DLEC1: variants seen among roughly 807,000 people sequenced by gnomAD.
The protein encoded by DLEC1 is deleted in lung and esophageal cancer protein 1.
A neutral mutation model predicts 198.1 loss-of-function variants in DLEC1; 146 were observed. The observed-to-expected ratio is 0.74, with a 90% CI of 0.64 to 0.85. The LOEUF (loss-of-function observed/expected upper bound fraction) is 0.85, where lower values mean the gene tolerates loss of function less well. DLEC1 is among the 40% of genes least tolerant of loss of function. The pLI is 0.00. For missense variants in DLEC1, 2,233 were observed against 2,220.0 expected (o/e 1.01, Z -0.12); for synonymous variants, 897 against 866.8 (o/e 1.03, Z -0.61).
intron 6 of DLEC1, among the ~76,000 whole-genome samples, chr3:38,078,962 G>T (rs1263225942): frequency 2.6e-5 from 4 of 152,244 alleles, no homozygotes; most frequent in South Asian, 2.1e-4. Context: ...AGGCCATGCT[G>T]TAGCAGGCGA....
intron 18 of DLEC1, among the ~76,000 whole-genome samples, chr3:38,098,146 A>G (rs1298043689): frequency 6.6e-6 from 1 of 152,144 alleles, no homozygotes; most frequent in Non-Finnish European, 1.5e-5. Flanking sequence ...CATCGGATTT[A>G]GAAATAGGGC....
intron 2 of DLEC1, 81 bp from the exon 3 acceptor site, chr3:38,059,661 C>A (rs780657980): frequency 2.6e-6 from 3 of 1,168,370 alleles, no homozygotes; most frequent in Non-Finnish European, 3.7e-6. Context: ...TTAGGCTTGG[C>A]GGATGAAGAA....
In DLEC1 at chr3:38,059,798, A is replaced by G. The variant is rs547071525; in HGVS notation, c.619A>G (p.Ile207Val). 3.7e-6 allele frequency: 6 copies of G among 1,613,976 alleles called. No individual in the cohort carries two copies. Among genetic ancestry groups the G allele is most frequent in the Non-Finnish European group, 5.1e-6 (6 of 1,180,022 alleles). Residue 207 changes from isoleucine (I) to valine (V), a missense_variant, in exon 3 of 37, where the codon ATC (isoleucine) becomes GTC (valine). Coordinates refer to ENST00000308059, the MANE Select transcript of DLEC1 (RefSeq NM_007335.4). ...DSELLRKHHL[I>V]SPEDYYTDTV... ...CGAGTTGCTACGGAAACATCATTTG[A>G]TCTCCCCAGAAGATTACTACACCGA... is the stretch of plus-strand genomic sequence containing the variant.
chr3:38,123,020 C>A lies in DLEC1; in HGVS notation c.*608C>A, dbSNP rs759612257. 1.2e-6 allele frequency: 2 copies of A among 1,612,146 alleles called. No homozygotes were observed. The highest frequency in any genetic ancestry group is 1.7e-5 in the Admixed American group (1 of 60,018). The stretch of plus-strand genomic sequence containing the variant: ...GCTGCTAGAGCAGCAGGACTGTCTG[C>A]GTAGCGCCTCCAGCCTGGGACCTCA... On this transcript the variant is annotated 3_prime_UTR_variant, in exon 37 of 37. Coordinates refer to ENST00000308059, the MANE Select transcript of DLEC1 (RefSeq NM_007335.4).
chr3:38,056,050 C>A (rs1696344814), intron 2 of DLEC1, among the ~76,000 whole-genome samples: 1 of 146,920 alleles, frequency 6.8e-6, no homozygotes, highest in South Asian at 2.2e-4. Context: ...GAAATCTGAT[C>A]TCTACAAAAA....
At chr3:38,083,912 G>T (rs527714283) in intron 6 of DLEC1, among the ~76,000 whole-genome samples, 5 of 151,922 alleles carry the variant, frequency 3.3e-5, no homozygotes, top group Admixed American at 6.6e-5. Context: ...TTACAGGCGT[G>T]AGCCACCACA....
Position 38,085,416 on chromosome 3 carries a change from G to A in DLEC1, c.1404G>A (p.Leu468=), listed in dbSNP as rs376682817. ...CAGCCCACACACTTCTGATCCCCCT[G>A]CAGGCCCGGAGGCCGCCCCCCGTGC... The part of the protein sequence containing the change: ...TQSAHTLLIP[L]QARRPPPVLT... Residue 468 remains leucine, a synonymous_variant, in exon 8 of 37, where the codon CTG becomes CTA. Coordinates refer to ENST00000308059, the MANE Select transcript of DLEC1 (RefSeq NM_007335.4). 3.2e-5 allele frequency: 51 copies of A among 1,613,860 alleles called. No individual in the cohort carries two copies. In the Admixed American group the frequency reaches 3.8e-4, roughly 12 times the overall value.
chr3:38,056,240 G>A (rs1321309313), intron 2 of DLEC1, among the ~76,000 whole-genome samples: 1 of 150,802 alleles, frequency 6.6e-6, no homozygotes, highest in Non-Finnish European at 1.5e-5. Flanking sequence ...TCCAGCCTGG[G>A]TGATAGAATG....
chr3:38,097,430 C>T, intron 16 of DLEC1, 77 bp from the exon 17 acceptor site: 2 of 1,595,028 alleles, frequency 1.3e-6, no homozygotes. Flanking sequence ...CTGTGCAAGC[C>T]AGATGTCTGG....
chr3:38,087,912 T>C (rs1308824990), intron 9 of DLEC1, among the ~76,000 whole-genome samples: 1 of 152,200 alleles, frequency 6.6e-6, no homozygotes, highest in Admixed American at 6.5e-5. Context: ...TGGGTGTTAC[T>C]GTAGGAAAAG....
intron 6 of DLEC1, among the ~76,000 whole-genome samples, chr3:38,073,660 C>CCCTTA (rs1697446882): frequency 1.3e-5 from 2 of 152,078 alleles, no homozygotes; most frequent in African/African-American, 4.8e-5. Flanking sequence ...GTGGGGATAA[C>CCCTTA]TGAAAAAGAG....
intron 16 of DLEC1, 28 bp from the exon 17 acceptor site, chr3:38,097,479 C>T: frequency 1.2e-6 from 2 of 1,613,200 alleles, no homozygotes; most frequent in Non-Finnish European, 1.7e-6. Context: ...CTTCTCCTCT[C>T]CACCTCTCCC....
At position 38,062,953 on chromosome 3, in the gene DLEC1, G is replaced by C. The variant is rs6772805; in HGVS notation, c.1094+152G>C. 8.2e-4 allele frequency: 698 copies of C among 846,578 alleles called. 6 individuals are homozygous for C. In the African/African-American group the frequency reaches 0.011, roughly 13 times the overall value. 52.4% of individuals were successfully genotyped at this position (846,578 alleles called of 1,614,324 possible). Reference sequence around the variant, plus strand: ...AGCAGGGCTGCAGGGTCACCCACTGGTGTGGCCTTTGAACCTTCCCCAGAG... The same window carrying C: ...AGCAGGGCTGCAGGGTCACCCACTGCTGTGGCCTTTGAACCTTCCCCAGAG... On this transcript the variant is annotated intron_variant, in intron 5 of 36. Transcript: ENST00000308059.
intron 6 of DLEC1, among the ~76,000 whole-genome samples, chr3:38,071,387 A>AGCCC (rs1375729037): frequency 6.6e-6 from 1 of 152,250 alleles, no homozygotes; most frequent in Non-Finnish European, 1.5e-5. Context: ...ATGGAAAGGA[A>AGCCC]ATGAGAGGTT....
intron 36 of DLEC1, 33 bp downstream of exon 36, chr3:38,122,227 C>T: frequency 6.2e-7 from 1 of 1,610,238 alleles, no homozygotes; most frequent in Non-Finnish European, 8.5e-7. Context: ...CCAAACTGCC[C>T]ACAGAGCCTG....
intron 18 of DLEC1, among the ~76,000 whole-genome samples, chr3:38,099,948 C>A (rs1699219324): frequency 2.0e-5 from 3 of 152,196 alleles, no homozygotes; most frequent in Admixed American, 2.0e-4. Context: ...CAGAGGGCTA[C>A]CCCCCTAGTT....
chr3:38,093,009 C>A, intron 11 of DLEC1, 129 bp downstream of exon 11: 2 of 862,240 alleles, frequency 2.3e-6, no homozygotes, highest in Non-Finnish European at 3.7e-6. Flanking sequence ...ATTAAGAATG[C>A]TGCAGCCTCC....
At chr3:38,116,337 TC>T in intron 27 of DLEC1, 115 bp from the exon 28 acceptor site, 6 of 981,504 alleles carry the variant, frequency 6.1e-6, no homozygotes, top group Non-Finnish European at 9.2e-6. Flanking sequence ...AGGCACCCCC[TC>T]CACCTGGGTA....
Position 38,112,668 on chromosome 3 carries a change from C to A in DLEC1, c.3666+307C>A, listed in dbSNP as rs887772364. On this transcript the variant is annotated intron_variant, in intron 25 of 36. Transcript: ENST00000308059. This position sits in a 1 kb window ranked among gnomAD's most constrained non-coding sequence, Gnocchi z 4.8. Reference sequence around the variant, plus strand: ...CAGTAGGCTGCTGCCTGGGCCAGGACCCAAGACTTGGAGTAGGGAGTGTGG... The same window carrying A: ...CAGTAGGCTGCTGCCTGGGCCAGGAACCAAGACTTGGAGTAGGGAGTGTGG... Among the ~76,000 whole-genome samples, 1 of 152,186 alleles carries A rather than the reference C, an allele frequency of 6.6e-6. No individual in the cohort carries two copies. The highest frequency in any genetic ancestry group is 2.4e-5 in the African/African-American group (1 of 41,462).
Sources: allele counts gnomAD v4.1 joint callset (sites outside exome capture counted in the v4.1 genomes callset), GRCh38; gene constraint gnomAD v4.1.1; non-coding constraint Gnocchi (gnomAD v3.1); transcripts MANE v1.5; gene names NCBI Gene and HGNC (gene_info 2026-07-23, HGNC 2026-07-21).